The following TRPM3 variants were observed in gnomAD, a reference collection of about 807,000 sequenced individuals.
TRPM3 encodes the protein transient receptor potential cation channel subfamily M member 3, also known as long transient receptor potential channel 3.
In TRPM3, 77 loss-of-function variants were observed where a neutral mutation model predicts 181.2. That is an observed-to-expected ratio of 0.42 (90% CI 0.35 to 0.51). The LOEUF (loss-of-function observed/expected upper bound fraction) is 0.51. Ranked by LOEUF, TRPM3 falls within the 20% of genes least tolerant of loss-of-function variation. TRPM3 has a pLI of 0.01. For synonymous variants in TRPM3, 745 were observed against 796.4 expected (o/e 0.94, Z 1.09); for missense variants, 1,759 against 2,196.7 (o/e 0.80, Z 3.98).
intron 9 of TRPM3, among the ~76,000 whole-genome samples, chr9:70,674,847 T>C (rs1476866257): frequency 6.6e-6 from 1 of 150,830 alleles, no homozygotes; most frequent in Non-Finnish European, 1.5e-5. Context: ...ATTACATGCA[T>C]GAGCCATTGC....
At chr9:71,354,823 G>A (rs2091827328) in intron 1 of TRPM3, among the ~76,000 whole-genome samples, 1 of 152,180 alleles carries the variant, frequency 6.6e-6, no homozygotes, top group South Asian at 2.1e-4. Context: ...CTGCCCCTGT[G>A]CTTACAACAA....
chr9:71,167,658 G>T (rs556337615), intron 1 of TRPM3, among the ~76,000 whole-genome samples: 2 of 152,270 alleles, frequency 1.3e-5, no homozygotes, highest in East Asian at 3.9e-4. Context: ...CATGGTGGAG[G>T]TTTCAATTAC....
chr9:71,357,305 T>C lies in TRPM3; in HGVS notation c.183+89348A>G, dbSNP rs369391521. Reference sequence around the variant, plus strand: ...GTCTAAATGTACAATTTTATGTCAATTATTATGAAACCAAAGTTGTGATAT... The same window carrying C: ...GTCTAAATGTACAATTTTATGTCAACTATTATGAAACCAAAGTTGTGATAT... On this transcript the variant is annotated intron_variant, in intron 1 of 24. Coordinates refer to the TRPM3 transcript ENST00000357533. Among the ~76,000 whole-genome samples the C allele has an allele frequency of 5.1e-4, 77 of 152,300 alleles. 1 individual carries two copies. In the South Asian group the frequency reaches 0.016, roughly 31 times the overall value.
chr9:70,539,916 C>T lies in TRPM3; in HGVS notation c.3708-2511G>A, dbSNP rs985231516. Among the ~76,000 whole-genome samples the T allele has an allele frequency of 2.0e-5, 3 of 152,118 alleles. No individual in the cohort carries two copies. The East Asian group carries it at 5.8e-4, about 29-fold the overall frequency. On this transcript the variant is annotated intron_variant, in intron 25 of 25. Transcript: ENST00000677713. ...GTGGTGCAAACATGGCTCACTGCAA[C>T]CTTAACCTCCTGGGCACAAGTGATC...
At chr9:71,265,522 T>C (rs1267877672) in intron 1 of TRPM3, among the ~76,000 whole-genome samples, 1 of 152,224 alleles carries the variant, frequency 6.6e-6, no homozygotes, top group Non-Finnish European at 1.5e-5. Context: ...ATTATATACA[T>C]CAAGTCAACC....
intron 1 of TRPM3, among the ~76,000 whole-genome samples, chr9:70,918,342 G>A (rs1486776442): frequency 6.6e-6 from 1 of 151,986 alleles, no homozygotes; most frequent in Admixed American, 6.6e-5. Context: ...TCAACACATG[G>A]ATCATTCTCA....
intron 1 of TRPM3, among the ~76,000 whole-genome samples, chr9:71,428,422 G>A (rs1466470014): frequency 2.0e-5 from 3 of 152,020 alleles, no homozygotes; most frequent in Non-Finnish European, 4.4e-5. Context: ...CAGCTTTCCA[G>A]GTGATTCAGA....
chr9:71,437,382 T>A (rs985051980), intron 1 of TRPM3, among the ~76,000 whole-genome samples: 6 of 152,216 alleles, frequency 3.9e-5, no homozygotes, highest in Non-Finnish European at 8.8e-5. Flanking sequence ...TTTTTGCATT[T>A]TTAAATGGTT....
chr9:70,537,159 C>A lies in TRPM3; in HGVS notation c.3954G>T (p.Gly1318=). ...VRQSSFNSQE[G]NTFKLQESID... ...TACTCTCTTGGAGCTTGAAGGTGTTCCCTTCCTGGCTGTTGAAGCTGCTCT... is the reference window on the plus strand; with the variant it reads ...TACTCTCTTGGAGCTTGAAGGTGTTACCTTCCTGGCTGTTGAAGCTGCTCT... The change falls in exon 26 of 26, where the codon GGG becomes GGT. Residue 1318 remains glycine (G), a synonymous_variant. Coordinates refer to ENST00000677713, the MANE Select transcript of TRPM3 (RefSeq NM_001366145.2). The A allele has an allele frequency of 3.8e-6, 6 of 1,587,966 alleles. No homozygotes were observed. The highest frequency in any genetic ancestry group is 5.2e-6 in the Non-Finnish European group (6 of 1,161,332).
At chr9:71,379,132 T>A (rs570356891) in intron 1 of TRPM3, among the ~76,000 whole-genome samples, 14 of 152,164 alleles carry the variant, frequency 9.2e-5, no homozygotes, top group Middle Eastern at 3.4e-3. Context: ...AATAATCTGA[T>A]TTCAACTTTT....
At chr9:71,410,196 G>C (rs1238634099) in intron 1 of TRPM3, among the ~76,000 whole-genome samples, 1 of 152,028 alleles carries the variant, frequency 6.6e-6, no homozygotes, top group Non-Finnish European at 1.5e-5. Flanking sequence ...ACAATTAAAA[G>C]AACTGGAGAA....
At chr9:71,224,841 T>C (rs997075901) in intron 1 of TRPM3, among the ~76,000 whole-genome samples, 1 of 149,788 alleles carries the variant, frequency 6.7e-6, no homozygotes, top group Non-Finnish European at 1.5e-5. Context: ...TGCATCAGAG[T>C]CTCTTAACAG....
chr9:70,910,362 A>T (rs2096525922), intron 1 of TRPM3, among the ~76,000 whole-genome samples: 1 of 152,018 alleles, frequency 6.6e-6, no homozygotes, highest in South Asian at 2.1e-4. Flanking sequence ...ATTTGAAGTC[A>T]GGATATGATT....
At chr9:71,052,171 GA>G (rs2060134417) in intron 1 of TRPM3, among the ~76,000 whole-genome samples, 1 of 152,064 alleles carries the variant, frequency 6.6e-6, no homozygotes, top group Non-Finnish European at 1.5e-5. Context: ...CCACAGTAAA[GA>G]GATATGATCT....
At chr9:71,185,016 G>A (rs528569453) in intron 1 of TRPM3, among the ~76,000 whole-genome samples, 1 of 152,196 alleles carries the variant, frequency 6.6e-6, no homozygotes, top group Non-Finnish European at 1.5e-5. Context: ...GCCTAAGACT[G>A]GTCAGTCTTC....
intron 1 of TRPM3, among the ~76,000 whole-genome samples, chr9:70,978,173 G>T (rs1320405082): frequency 2.0e-5 from 3 of 152,158 alleles, no homozygotes; most frequent in Non-Finnish European, 4.4e-5. Context: ...TAGAAGCTTT[G>T]TGTTAGGAAC....
intron 1 of TRPM3, among the ~76,000 whole-genome samples, chr9:71,192,946 T>A (rs1442444264): frequency 6.6e-6 from 1 of 151,892 alleles, no homozygotes; most frequent in Non-Finnish European, 1.5e-5. Context: ...GACATCATGC[T>A]GTCAAATACA....
intron 1 of TRPM3, among the ~76,000 whole-genome samples, chr9:71,178,598 C>G (rs1268233195): frequency 6.6e-6 from 1 of 152,074 alleles, no homozygotes; most frequent in African/African-American, 2.4e-5. Flanking sequence ...GTGGAAACCT[C>G]TAGAACCATA....
intron 12 of TRPM3, among the ~76,000 whole-genome samples, chr9:70,631,356 A>C (rs1001919413): frequency 2.1e-5 from 3 of 141,818 alleles, no homozygotes; most frequent in African/African-American, 8.2e-5. Flanking sequence ...GTGTGTCTGA[A>C]ATGCCTTTTT....
Sources: allele counts gnomAD v4.1 joint callset (sites outside exome capture counted in the v4.1 genomes callset), GRCh38; gene constraint gnomAD v4.1.1; transcripts MANE v1.5; gene names NCBI Gene and HGNC (gene_info 2026-07-23, HGNC 2026-07-21).